The following PDE8B variants were observed in gnomAD, a reference collection of about 807,000 sequenced individuals.
The protein encoded by PDE8B is high affinity cAMP-specific and IBMX-insensitive 3',5'-cyclic phosphodiesterase 8B.
In PDE8B, 26 loss-of-function variants were observed where a neutral mutation model predicts 101.3. The ratio of observed to expected loss-of-function variants is 0.26; its 90% confidence interval spans 0.19 to 0.36. The LOEUF is 0.36. Ranked by LOEUF, PDE8B falls within the 10% of genes least tolerant of loss-of-function variation. The pLI, the probability that PDE8B is intolerant of heterozygous loss-of-function variation, is 1.00. For synonymous variants in PDE8B, 424 were observed against 429.3 expected (o/e 0.99, Z 0.15); for missense variants, 810 against 1,163.1 (o/e 0.70, Z 4.42).
chr5:77,324,050 G>T (rs544063910), intron 2 of PDE8B, among the ~76,000 whole-genome samples: 3 of 152,164 alleles, frequency 2.0e-5, no homozygotes, highest in Non-Finnish European at 4.4e-5. Flanking sequence ...AGTGAAACAC[G>T]TTTGGTGTTT....
At chr5:77,297,823 C>A (rs1013380594) in intron 1 of PDE8B, among the ~76,000 whole-genome samples, 8 of 152,150 alleles carry the variant, frequency 5.3e-5, no homozygotes, top group Non-Finnish European at 7.3e-5. Flanking sequence ...ATGCTCCTTC[C>A]ATCGGTCTTC....
chr5:77,189,139 A>G, the PDE8B span, among the ~76,000 whole-genome samples: 18 of 152,164 alleles, frequency 1.2e-4, no homozygotes, highest in Admixed American at 1.1e-3. Context: ...CTGGAAGGCA[A>G]TGAGAGCTGT....
intron 1 of PDE8B, among the ~76,000 whole-genome samples, chr5:77,298,887 A>C (rs145684939): frequency 2.6e-5 from 4 of 152,372 alleles, no homozygotes; most frequent in Admixed American, 6.5e-5. Context: ...TGCAAGCATT[A>C]GATTTTTGTG....
upstream of PDE8B, among the ~76,000 whole-genome samples, chr5:77,209,823 G>A (rs748272567): frequency 1.2e-4 from 18 of 152,232 alleles, no homozygotes; most frequent in Non-Finnish European, 1.9e-4. Flanking sequence ...AGAACCATCA[G>A]ACAGCTTCTT....
the PDE8B span, among the ~76,000 whole-genome samples, chr5:77,197,096 C>A: frequency 2.7e-5 from 4 of 145,978 alleles, no homozygotes; most frequent in African/African-American, 1.0e-4. Context: ...ATTGTACTGA[C>A]CTTTAAAAAA....
the PDE8B span, among the ~76,000 whole-genome samples, chr5:77,157,832 G>A: frequency 2.0e-5 from 3 of 152,164 alleles, no homozygotes; most frequent in African/African-American, 4.8e-5. Flanking sequence ...CCCTGTTTAG[G>A]ACAGCATGGG....
At chr5:77,308,824 G>T (rs114747552) in intron 1 of PDE8B, among the ~76,000 whole-genome samples, 4 of 152,132 alleles carry the variant, frequency 2.6e-5, no homozygotes, top group Admixed American at 2.6e-4. Context: ...GCCCTTCCCC[G>T]CCAGCCCACC....
chr5:77,363,182 T>C (rs1475954169), intron 10 of PDE8B, among the ~76,000 whole-genome samples: 1 of 152,218 alleles, frequency 6.6e-6, no homozygotes, highest in Non-Finnish European at 1.5e-5. Context: ...TAGGCTCCCC[T>C]TTCTACAGAT....
At chr5:77,265,130 A>G (rs1761424988) in intron 1 of PDE8B, among the ~76,000 whole-genome samples, 1 of 152,186 alleles carries the variant, frequency 6.6e-6, no homozygotes, top group South Asian at 2.1e-4. Context: ...GCACTGTGGC[A>G]GGTAACTCAT....
At chr5:77,255,963 GCC>G (rs1319894153) in intron 1 of PDE8B, among the ~76,000 whole-genome samples, 1 of 152,170 alleles carries the variant, frequency 6.6e-6, no homozygotes, top group Non-Finnish European at 1.5e-5. Context: ...AGTAAGCCCT[GCC>G]AACTGTGTAG....
chr5:77,387,362 T>C (rs1788936649), intron 10 of PDE8B, among the ~76,000 whole-genome samples: 1 of 152,170 alleles, frequency 6.6e-6, no homozygotes. Flanking sequence ...GGGTTGAAAA[T>C]TCTTTTCTTT....
chr5:77,134,796 G>A, the PDE8B span, among the ~76,000 whole-genome samples: 8 of 152,318 alleles, frequency 5.3e-5, no homozygotes, highest in African/African-American at 1.9e-4. Context: ...ACTATGGGTT[G>A]CGATCTCAAG....
At chr5:77,191,958 G>T in the PDE8B span, among the ~76,000 whole-genome samples, 1 of 152,298 alleles carries the variant, frequency 6.6e-6, no homozygotes, top group African/African-American at 2.4e-5. Flanking sequence ...CATAAGGAGT[G>T]TGCAACCTAG....
chr5:77,294,588 C>G (rs1016347067), intron 1 of PDE8B, among the ~76,000 whole-genome samples: 1 of 150,946 alleles, frequency 6.6e-6, no homozygotes, highest in South Asian at 2.1e-4. Context: ...AAAAAAAACA[C>G]AGGTTACATC....
At chr5:77,309,879 G>A (rs1258820610) in intron 1 of PDE8B, among the ~76,000 whole-genome samples, 1 of 144,984 alleles carries the variant, frequency 6.9e-6, no homozygotes, top group Non-Finnish European at 1.5e-5. Context: ...CTCGGCCTCC[G>A]AAAATGCTGG....
At chr5:77,392,268 G>A (rs1407636960) in intron 10 of PDE8B, among the ~76,000 whole-genome samples, 1 of 152,152 alleles carries the variant, frequency 6.6e-6, no homozygotes, top group Non-Finnish European at 1.5e-5. Flanking sequence ...CAGCGGACAG[G>A]CCTATGCAGA....
At chr5:77,370,249 A>T (rs768069113) in intron 10 of PDE8B, among the ~76,000 whole-genome samples, 20 of 152,066 alleles carry the variant, frequency 1.3e-4, no homozygotes, top group Non-Finnish European at 2.5e-4. Flanking sequence ...TGTAACCTAA[A>T]CCCTAAGAAG....
chr5:77,187,457 A>G, the PDE8B span, among the ~76,000 whole-genome samples: 6,319 of 152,266 alleles, frequency 0.041, 408 homozygotes, highest in African/African-American at 0.13. Flanking sequence ...GCCAGGAGAT[A>G]TAGCCTAATC....
intron 10 of PDE8B, among the ~76,000 whole-genome samples, chr5:77,398,035 TA>T (rs905446212): frequency 6.6e-6 from 1 of 152,090 alleles, no homozygotes; most frequent in African/African-American, 2.4e-5. Flanking sequence ...GATTCTTCCC[TA>T]AAAGAGGAGT....
Sources: allele counts gnomAD v4.1 joint callset (sites outside exome capture counted in the v4.1 genomes callset), GRCh38; gene constraint gnomAD v4.1.1; transcripts MANE v1.5; gene names NCBI Gene and HGNC (gene_info 2026-07-23, HGNC 2026-07-21).